Variants in MYO16 observed in about 807,000 individuals in gnomAD.
The protein encoded by MYO16 is unconventional myosin-XVI.
In MYO16, 94 loss-of-function variants were observed where a neutral mutation model predicts 205.3. That is an observed-to-expected ratio of 0.46 (90% CI 0.39 to 0.54). The LOEUF is 0.54. Among genes scored for constraint, MYO16 ranks in the 20% least tolerant of loss-of-function variants. MYO16 has a pLI of 0.00. For missense variants in MYO16, 2,315 were observed against 2,387.5 expected (o/e 0.97, Z 0.63); for synonymous variants, 988 against 954.0 (o/e 1.04, Z -0.66).
At chr13:109,098,548 A>C (rs889228240) in intron 27 of MYO16, among the ~76,000 whole-genome samples, 18 of 152,174 alleles carry the variant, frequency 1.2e-4, no homozygotes, top group Non-Finnish European at 2.2e-4. Flanking sequence ...GGGCGTTGTC[A>C]TGGAGAAGAA....
chr13:109,126,179 G>T (rs954941067), intron 30 of MYO16, among the ~76,000 whole-genome samples: 2 of 152,106 alleles, frequency 1.3e-5, no homozygotes, highest in Non-Finnish European at 2.9e-5. Context: ...AAATGGCAAT[G>T]TGTATCTTGT....
chr13:108,980,643 A>T (rs927204732), intron 20 of MYO16, among the ~76,000 whole-genome samples: 18 of 152,270 alleles, frequency 1.2e-4, no homozygotes, highest in African/African-American at 4.3e-4. Context: ...ATTGAGGAGG[A>T]TGTGCTTTGC....
At chr13:108,550,938 A>C in the MYO16 span, among the ~76,000 whole-genome samples, 1 of 152,186 alleles carries the variant, frequency 6.6e-6, no homozygotes, top group Non-Finnish European at 1.5e-5. Flanking sequence ...ACATTTGATA[A>C]ATATTAAGGT....
At chr13:108,975,771 T>A (rs1330555831) in intron 20 of MYO16, among the ~76,000 whole-genome samples, 1 of 152,186 alleles carries the variant, frequency 6.6e-6, no homozygotes, top group Non-Finnish European at 1.5e-5. Context: ...CATGATTTTT[T>A]AGAATGTATA....
At chr13:109,048,964 G>GAAAAAAAAA (rs9301336) in intron 24 of MYO16, 2 of 76,920 alleles carry the variant, frequency 2.6e-5, no homozygotes, top group African/African-American at 5.1e-5. Context: ...AAAGGAGGCA[G>GAAAAAAAAA]AAAAAAAAAA....
At chr13:108,794,978 T>C (rs546678009) in intron 6 of MYO16, among the ~76,000 whole-genome samples, 1 of 152,136 alleles carries the variant, frequency 6.6e-6, no homozygotes, top group Non-Finnish European at 1.5e-5. Context: ...TGTAAATATA[T>C]TTTTACATTT....
At chr13:108,606,624 C>A (rs190824270) in intron 1 of MYO16, among the ~76,000 whole-genome samples, 95 of 152,296 alleles carry the variant, frequency 6.2e-4, no homozygotes, top group African/African-American at 2.2e-3. Context: ...AAGTCTGCTG[C>A]AGGGGTGGAG....
chr13:109,029,449 A>G (rs1886481974), intron 23 of MYO16, among the ~76,000 whole-genome samples: 1 of 152,054 alleles, frequency 6.6e-6, no homozygotes, highest in South Asian at 2.1e-4. Flanking sequence ...CACCTTTCAT[A>G]ACGTGTCCTT....
At chr13:109,182,463 G>A (rs897313003) in intron 34 of MYO16, among the ~76,000 whole-genome samples, 15 of 152,128 alleles carry the variant, frequency 9.9e-5, no homozygotes, top group Admixed American at 1.3e-4. Flanking sequence ...CTCAGAGCAC[G>A]CCAGCCATCA....
intron 23 of MYO16, among the ~76,000 whole-genome samples, chr13:109,029,115 T>TTC (rs1566471314): frequency 4.4e-5 from 6 of 135,760 alleles, no homozygotes; most frequent in South Asian, 2.4e-4. Flanking sequence ...TTCTTTTCTT[T>TTC]TTTTTTTTTT....
At chr13:108,838,470 A>C (rs1877048291) in intron 9 of MYO16, among the ~76,000 whole-genome samples, 1 of 151,270 alleles carries the variant, frequency 6.6e-6, no homozygotes, top group Non-Finnish European at 1.5e-5. Flanking sequence ...GCCTGGCCTC[A>C]GAATTTCATA....
chr13:108,908,241 A>G lies in MYO16; in HGVS notation c.1778-1762A>G, dbSNP rs139722471. 2.1e-3 allele frequency among the ~76,000 whole-genome samples: 314 copies of G among 152,300 alleles called. 4 individuals are homozygous for G. Among genetic ancestry groups the G allele is most frequent in the African/African-American group, 7.1e-3 (296 of 41,562 alleles). ...TCACCTTTGGGCTTTACTGTCACCA[A>G]TGAAAGGAATATTTTGAAAGACCTT... On this transcript the variant is annotated intron_variant, in intron 15 of 34. Transcript: ENST00000457511.
chr13:109,044,469 C>G (rs1594497406), intron 23 of MYO16, among the ~76,000 whole-genome samples: 3 of 151,864 alleles, frequency 2.0e-5, no homozygotes, highest in Middle Eastern at 6.8e-3. Flanking sequence ...ATCCATAGTC[C>G]TTTTTGATGT....
At chr13:108,902,974 C>G (rs937304714) in intron 15 of MYO16, among the ~76,000 whole-genome samples, 3 of 152,206 alleles carry the variant, frequency 2.0e-5, no homozygotes, top group Admixed American at 6.5e-5. Context: ...CTGGCTCCAT[C>G]CAGCCTGGAA....
chr13:108,944,262 TAA>T (rs1266607985), intron 16 of MYO16, among the ~76,000 whole-genome samples: 2 of 152,258 alleles, frequency 1.3e-5, no homozygotes, highest in Non-Finnish European at 2.9e-5. Context: ...TCATTACTTT[TAA>T]TTACTTTTGT....
intron 1 of MYO16, among the ~76,000 whole-genome samples, chr13:108,649,609 G>A (rs1880909846): frequency 6.6e-6 from 1 of 152,176 alleles, no homozygotes; most frequent in Non-Finnish European, 1.5e-5. Flanking sequence ...CCTTCAATAA[G>A]CAAGGTAGAA....
intron 27 of MYO16, among the ~76,000 whole-genome samples, chr13:109,073,097 T>G (rs1183697854): frequency 7.1e-6 from 1 of 141,766 alleles, no homozygotes; most frequent in Non-Finnish European, 1.5e-5. Context: ...TAGAGTGAAA[T>G]TATGGAATAT....
chr13:108,629,909 G>C (rs1235093192), intron 1 of MYO16, 37 bp downstream of exon 1: 1 of 1,504,818 alleles, frequency 6.6e-7, no homozygotes, highest in East Asian at 2.5e-5. Context: ...GTGGTTATTT[G>C]TCTTGTTGAA....
intron 27 of MYO16, among the ~76,000 whole-genome samples, chr13:109,070,948 G>A (rs1031364866): frequency 6.6e-6 from 1 of 152,134 alleles, no homozygotes; most frequent in South Asian, 2.1e-4. Context: ...CCACTTTACA[G>A]TATTTCCACA....
Sources: gnomAD v4.1 joint callset for allele counts (sites outside exome capture counted in the v4.1 genomes callset) on GRCh38, gnomAD v4.1.1 for gene constraint, MANE v1.5 for transcripts, NCBI Gene and HGNC (gene_info 2026-07-23, HGNC 2026-07-21) for gene names.